The following SEMA3D variants were observed in gnomAD, a reference collection of about 807,000 sequenced individuals.
SEMA3D encodes semaphorin-3D.
Under a neutral mutation model 100.1 loss-of-function variants are expected in SEMA3D, and 84 were observed. That is an observed-to-expected ratio of 0.84 (90% CI 0.70 to 1.01). The LOEUF is 1.01. Ranked by LOEUF, SEMA3D falls within the 50% of genes least tolerant of loss-of-function variation. SEMA3D has a pLI of 0.00. For missense variants in SEMA3D, 875 were observed against 934.1 expected (o/e 0.94, Z 0.82); for synonymous variants, 312 against 320.7 (o/e 0.97, Z 0.29).
chr7:85,228,848 C>G, the SEMA3D span, among the ~76,000 whole-genome samples: 1 of 151,848 alleles, frequency 6.6e-6, no homozygotes, highest in Non-Finnish European at 1.5e-5. Flanking sequence ...GAAACAACAA[C>G]AAATAAAACC....
chr7:85,222,580 T>G, the SEMA3D span, among the ~76,000 whole-genome samples: 5 of 152,112 alleles, frequency 3.3e-5, no homozygotes, highest in Admixed American at 2.6e-4. Flanking sequence ...ATTGATTTAT[T>G]TAAAGTTAAC....
intron 3 of SEMA3D, among the ~76,000 whole-genome samples, chr7:85,119,310 C>A (rs1789339725): frequency 6.6e-6 from 1 of 152,130 alleles, no homozygotes; most frequent in East Asian, 1.9e-4. Context: ...AAGACACATG[C>A]ATTTGTATGT....
chr7:85,107,221 A>T (rs774603190), intron 3 of SEMA3D, among the ~76,000 whole-genome samples: 2 of 152,012 alleles, frequency 1.3e-5, no homozygotes, highest in Non-Finnish European at 2.9e-5. Flanking sequence ...AGAAAATTTC[A>T]GTTTGGCTTT....
rs189987246 is a variant in SEMA3D, at chr7:85,151,444, A to T, written c.-41+2164T>A. On this transcript the variant is annotated intron_variant, in intron 2 of 18. Transcript: ENST00000284136. ...AAACAGTGTGATACTCTTAAAAAAC[A>T]GTAGCAGATTATTTTCAAAATCAGT... Among the ~76,000 whole-genome samples, 31 of 152,226 alleles carry T rather than the reference A, an allele frequency of 2.0e-4. No individual in the cohort carries two copies. The East Asian group carries it at 6.0e-3, about 29-fold the overall frequency.
chr7:85,133,145 T>C lies in SEMA3D; in HGVS notation c.-40-11214A>G, dbSNP rs1237266466. 7.9e-5 allele frequency among the ~76,000 whole-genome samples: 12 copies of C among 152,136 alleles called. No homozygotes were observed. In the East Asian group the frequency reaches 2.1e-3, roughly 27 times the overall value. On this transcript the variant is annotated intron_variant, in intron 2 of 18. Transcript: ENST00000284136. ...GTTTTCTTTCTTTCTTCTTTTTGCATGACTGTTCTGTTGAAGTCATGTGTT... is the reference window on the plus strand; with the variant it reads ...GTTTTCTTTCTTTCTTCTTTTTGCACGACTGTTCTGTTGAAGTCATGTGTT...
At position 85,180,206 on chromosome 7, in the gene SEMA3D, T is replaced by C. The variant is rs145593554; in HGVS notation, c.-173+6472A>G. Among the ~76,000 whole-genome samples the C allele has an allele frequency of 1.9e-3, 288 of 152,300 alleles. 1 individual carries two copies. Among genetic ancestry groups the C allele is most frequent in the Middle Eastern group, 3.4e-3 (1 of 294 alleles). On this transcript the variant is annotated intron_variant, in intron 1 of 18. Coordinates refer to ENST00000284136, the MANE Select transcript of SEMA3D (RefSeq NM_001384900.1). ...GGTCATGGGAGCAGTTTTCCCATGC[T>C]GTTCTTATGATAGTGAGTGAGTTCT...
chr7:85,150,515 G>GGGATATATATATTATATATATA (rs1234623254), intron 2 of SEMA3D, among the ~76,000 whole-genome samples: 9 of 143,252 alleles, frequency 6.3e-5, no homozygotes, highest in African/African-American at 2.0e-4. Context: ...TATATTTACA[G>GGGATATATATATTATATATATA]GGATATATAT....
chr7:85,221,134 T>C, the SEMA3D span, among the ~76,000 whole-genome samples: 5 of 152,044 alleles, frequency 3.3e-5, no homozygotes, highest in Admixed American at 3.3e-4. Context: ...AGGAAAGGAA[T>C]GAAGAGTCCA....
At chr7:85,129,042 C>T (rs988098087) in intron 2 of SEMA3D, among the ~76,000 whole-genome samples, 1 of 151,706 alleles carries the variant, frequency 6.6e-6, no homozygotes. Context: ...TAGGCATGTG[C>T]CACTTGCCCA....
chr7:85,032,563 A>G (rs1790576813), intron 12 of SEMA3D, among the ~76,000 whole-genome samples: 1 of 152,094 alleles, frequency 6.6e-6, no homozygotes. Flanking sequence ...GCCTGCAAAC[A>G]TGTTAGTAGA....
At chr7:85,110,574 A>T (rs914488860) in intron 3 of SEMA3D, among the ~76,000 whole-genome samples, 5 of 151,952 alleles carry the variant, frequency 3.3e-5, no homozygotes, top group African/African-American at 9.7e-5. Flanking sequence ...GATAATGAAC[A>T]AGATGCATTT....
At chr7:85,241,467 G>GTGTATATATATATATATATATA in the SEMA3D span, among the ~76,000 whole-genome samples, 152 of 91,876 alleles carry the variant, frequency 1.7e-3, 6 homozygotes, top group East Asian at 0.011. Flanking sequence ...CTGTGTGTGT[G>GTGTATATATATATATATATATA]TATATATATA....
chr7:85,147,789 C>A (rs115252617), intron 2 of SEMA3D, among the ~76,000 whole-genome samples: 1,543 of 152,192 alleles, frequency 0.01, 25 homozygotes, highest in African/African-American at 0.035. Context: ...TATGAAATAA[C>A]CAGGCTCAGT....
intron 16 of SEMA3D, among the ~76,000 whole-genome samples, chr7:85,013,410 T>A (rs1282243363): frequency 2.0e-5 from 3 of 151,746 alleles, no homozygotes; most frequent in Non-Finnish European, 2.9e-5. Flanking sequence ...GATGAGTAGC[T>A]CAAATTGTTT....
intron 18 of SEMA3D, among the ~76,000 whole-genome samples, chr7:85,006,392 T>C (rs1789797129): frequency 6.6e-6 from 1 of 151,978 alleles, no homozygotes; most frequent in Non-Finnish European, 1.5e-5. Flanking sequence ...CATAGATATT[T>C]CTGTTTTAAT....
upstream of SEMA3D, among the ~76,000 whole-genome samples, chr7:85,188,877 A>G (rs890893919): frequency 6.6e-6 from 1 of 152,150 alleles, no homozygotes; most frequent in Admixed American, 6.5e-5. Flanking sequence ...CTACTATAAT[A>G]AGCTCTTTTC....
rs58949011 is a variant in SEMA3D at position 85,142,674 on chromosome 7, A to ATT, written c.-41+10932_-41+10933dup. On this transcript the variant is annotated intron_variant, in intron 2 of 18. Transcript: ENST00000284136. ...TTAGAAGAAAGCAAAGAAGGATGGC[A>ATT]TTTTTTTTTTTTTTTTTTTAGTGTC... is the stretch of plus-strand genomic sequence containing the variant. 7,816 of 906,172 alleles carry ATT rather than the reference A, an allele frequency of 8.6e-3. 58 individuals are homozygous for ATT. Among genetic ancestry groups the ATT allele is most frequent in the South Asian group, 0.045 (859 of 19,198 alleles). The allele number at this position is 906,172 out of a possible 1,614,324, so 56.1% of individuals were successfully genotyped here.
intron 11 of SEMA3D, 92 bp from the exon 12 acceptor site, chr7:85,037,125 A>T (rs1161025591): frequency 7.1e-6 from 9 of 1,264,718 alleles, no homozygotes; most frequent in African/African-American, 3.0e-5. Context: ...CTGTGGACAA[A>T]ATTTACTTAG....
At chr7:85,161,658 G>A (rs529167855) in intron 1 of SEMA3D, among the ~76,000 whole-genome samples, 2 of 152,034 alleles carry the variant, frequency 1.3e-5, no homozygotes, top group Non-Finnish European at 2.9e-5. Flanking sequence ...CAATTCTTAG[G>A]TGGGACTTAC....
Sources: allele counts gnomAD v4.1 joint callset (sites outside exome capture counted in the v4.1 genomes callset), GRCh38; gene constraint gnomAD v4.1.1; transcripts MANE v1.5; gene names NCBI Gene and HGNC (gene_info 2026-07-23, HGNC 2026-07-21).